ELF1: variants seen among roughly 807,000 people sequenced by gnomAD.
ELF1 encodes ETS-related transcription factor Elf-1.
ELF1 carries 24 observed loss-of-function variants against 59.9 expected under a neutral mutation model. That is an observed-to-expected ratio of 0.40 (90% confidence interval 0.29 to 0.56). The LOEUF is 0.56. Among genes scored for constraint, ELF1 ranks in the 20% least tolerant of loss-of-function variants. ELF1 has a pLI of 0.44. For missense variants in ELF1, 627 were observed against 742.2 expected (o/e 0.84, Z 1.80); for synonymous variants, 248 against 266.2 (o/e 0.93, Z 0.67).
At chr13:41,047,562 C>T (rs1183671002) in intron 1 of ELF1, among the ~76,000 whole-genome samples, 1 of 152,128 alleles carries the variant, frequency 6.6e-6, no homozygotes, top group African/African-American at 2.4e-5. Flanking sequence ...CCTGTGTGCC[C>T]GGGTATCAGC....
At chr13:41,025,031 A>C (rs1010949818) in intron 1 of ELF1, among the ~76,000 whole-genome samples, 12 of 152,264 alleles carry the variant, frequency 7.9e-5, no homozygotes, top group Middle Eastern at 3.4e-3. Context: ...ATGGCCCAAA[A>C]AACAAAAAGA....
chr13:41,030,249 G>A (rs1259754834), intron 1 of ELF1, among the ~76,000 whole-genome samples: 1 of 152,094 alleles, frequency 6.6e-6, no homozygotes, highest in Non-Finnish European at 1.5e-5. Context: ...CAAGAATAAG[G>A]AATGAGCAAC....
intron 1 of ELF1, among the ~76,000 whole-genome samples, chr13:41,031,828 A>C (rs1004706174): frequency 5.3e-5 from 8 of 151,222 alleles, no homozygotes; most frequent in Non-Finnish European, 1.0e-4. Flanking sequence ...CAAAAAAAAA[A>C]AAAAAAAAAA....
intron 5 of ELF1, among the ~76,000 whole-genome samples, chr13:40,946,770 C>G (rs1319537274): frequency 6.6e-6 from 1 of 151,834 alleles, no homozygotes. Flanking sequence ...AAGGCCAAAC[C>G]AGGAGGAATG....
chr13:40,996,143 G>C (rs1158233405), intron 1 of ELF1, among the ~76,000 whole-genome samples: 2 of 152,106 alleles, frequency 1.3e-5, no homozygotes, highest in Non-Finnish European at 2.9e-5. Context: ...TATTAGAATG[G>C]CCAAAATCCA....
intron 2 of ELF1, among the ~76,000 whole-genome samples, chr13:40,980,973 ACT>A (rs1012465090): frequency 1.9e-4 from 29 of 152,114 alleles, no homozygotes; most frequent in African/African-American, 5.8e-4. Context: ...TTATTTATAA[ACT>A]TTTTGTTCTG....
chr13:41,034,339 T>C (rs1430812638), intron 1 of ELF1, among the ~76,000 whole-genome samples: 1 of 152,192 alleles, frequency 6.6e-6, no homozygotes, highest in East Asian at 1.9e-4. Flanking sequence ...ACTGTACCAA[T>C]GTTAGTTTCT....
At chr13:41,060,845 G>A (rs909631481) in exon 1 of ELF1, 4 of 300,166 alleles carry the variant, frequency 1.3e-5, no homozygotes, top group Non-Finnish European at 2.6e-5. Flanking sequence ...CACCTGACAA[G>A]CATAAGTGCC....
rs139241607 is a variant in ELF1 at position 40,996,668 on chromosome 13, G to A, written c.-228-14386C>T. 2.0e-4 allele frequency among the ~76,000 whole-genome samples: 31 copies of A among 152,300 alleles called. 1 individual carries two copies. In the East Asian group the frequency reaches 5.4e-3, roughly 27 times the overall value. On this transcript the variant is annotated intron_variant, in intron 1 of 8. Coordinates refer to ENST00000239882, the MANE Select transcript of ELF1 (RefSeq NM_172373.4). ...CACCGCTCTGGTGCAGGTGATTAGC[G>A]AGAGGCTGATAACGGGGAGGCTATG...
chr13:40,968,917 G>A (rs1334763292), intron 2 of ELF1, among the ~76,000 whole-genome samples: 3 of 151,920 alleles, frequency 2.0e-5, no homozygotes, highest in Non-Finnish European at 4.4e-5. Flanking sequence ...ATGGGGTTTT[G>A]TCATGTTGCC....
chr13:41,054,441 G>T (rs1238415194), intron 1 of ELF1, among the ~76,000 whole-genome samples: 1 of 152,172 alleles, frequency 6.6e-6, no homozygotes, highest in African/African-American at 2.4e-5. Context: ...ACTTGTTCAT[G>T]GAGTCAATGC....
intron 2 of ELF1, among the ~76,000 whole-genome samples, chr13:40,975,513 A>G (rs1356751520): frequency 6.6e-6 from 1 of 152,236 alleles, no homozygotes; most frequent in Non-Finnish European, 1.5e-5. Flanking sequence ...TACAATTTCA[A>G]TGACAATCTT....
intron 1 of ELF1, among the ~76,000 whole-genome samples, chr13:41,038,606 A>G (rs529825865): frequency 6.6e-6 from 1 of 152,350 alleles, no homozygotes; most frequent in East Asian, 1.9e-4. Context: ...ATTAGCTAAC[A>G]ATTTAAAAGC....
At chr13:40,956,927 A>G (rs1871485039) in intron 3 of ELF1, among the ~76,000 whole-genome samples, 4 of 151,410 alleles carry the variant, frequency 2.6e-5, no homozygotes. Flanking sequence ...CCTGACCTCA[A>G]GTGATCTGCC....
In ELF1 at chr13:40,933,377, G is replaced by A. The variant is rs750580222; in HGVS notation, c.*48C>T. ...AGAATCAGTCAGTCTGCATATAATTGAAAATGTTCAATTAACAAACAATTA... is the reference window on the plus strand; with the variant it reads ...AGAATCAGTCAGTCTGCATATAATTAAAAATGTTCAATTAACAAACAATTA... On this transcript the variant is annotated 3_prime_UTR_variant, in exon 9 of 9. Coordinates refer to ENST00000239882, the MANE Select transcript of ELF1 (RefSeq NM_172373.4). 6.4e-7 allele frequency: 1 copy of A among 1,562,408 alleles called. No individual in the cohort carries two copies. The highest frequency in any genetic ancestry group is 8.6e-7 in the Non-Finnish European group (1 of 1,156,204).
chr13:40,981,148 G>A (rs1250054156), intron 2 of ELF1, among the ~76,000 whole-genome samples: 1 of 152,184 alleles, frequency 6.6e-6, no homozygotes, highest in African/African-American at 2.4e-5. Flanking sequence ...TGAGCATTAG[G>A]CTTATTTCAG....
chr13:40,955,900 G>A (rs1323059295), intron 3 of ELF1, among the ~76,000 whole-genome samples: 2 of 110,134 alleles, frequency 1.8e-5, no homozygotes, highest in East Asian at 3.1e-4. Context: ...GGAGGGAGGC[G>A]GGGAGGTCAG....
intron 7 of ELF1, among the ~76,000 whole-genome samples, chr13:40,942,483 A>G (rs1266143879): frequency 6.6e-6 from 1 of 152,172 alleles, no homozygotes; most frequent in Non-Finnish European, 1.5e-5. Flanking sequence ...TTCTACTATA[A>G]TAACTAACAT....
chr13:40,973,067 CAAAAT>C (rs1872674419), intron 2 of ELF1, among the ~76,000 whole-genome samples: 1 of 151,984 alleles, frequency 6.6e-6, no homozygotes, highest in Non-Finnish European at 1.5e-5. Flanking sequence ...GCATATGCCA[CAAAAT>C]AAAGTAGAAT....
Sources: gnomAD v4.1 joint callset for allele counts (sites outside exome capture counted in the v4.1 genomes callset) on GRCh38, gnomAD v4.1.1 for gene constraint, MANE v1.5 for transcripts, NCBI Gene and HGNC (gene_info 2026-07-23, HGNC 2026-07-21) for gene names.